CHST9: variants seen among roughly 807,000 people sequenced by gnomAD.
CHST9 encodes GalNAc-4-sulfotransferase 2.
CHST9 carries 41 observed loss-of-function variants against 44.4 expected under a neutral mutation model. That is an observed-to-expected ratio of 0.92 (90% CI 0.72 to 1.20). The LOEUF (loss-of-function observed/expected upper bound fraction) is 1.20. Among genes scored for constraint, CHST9 ranks in the 50% most tolerant of loss-of-function variants. CHST9 has a pLI of 0.00. For synonymous variants in CHST9, 171 were observed against 178.4 expected (o/e 0.96, Z 0.33); for missense variants, 504 against 516.5 (o/e 0.98, Z 0.23).
At chr18:27,121,104 G>A (rs1265522363) in intron 2 of CHST9, among the ~76,000 whole-genome samples, 1 of 152,182 alleles carries the variant, frequency 6.6e-6, no homozygotes, top group Non-Finnish European at 1.5e-5. Context: ...CTGGGCTCAA[G>A]TGATTCTCCC....
chr18:26,950,470 C>T (rs187243235), intron 4 of CHST9, among the ~76,000 whole-genome samples: 8 of 152,076 alleles, frequency 5.3e-5, no homozygotes, highest in African/African-American at 1.9e-4. Context: ...TAGAACCAAC[C>T]TAAATGCCCA....
At chr18:27,104,318 G>T (rs2058201623) in intron 2 of CHST9, among the ~76,000 whole-genome samples, 1 of 152,204 alleles carries the variant, frequency 6.6e-6, no homozygotes, top group South Asian at 2.1e-4. Flanking sequence ...GTGTCTGACT[G>T]ATTGGCAGAT....
chr18:27,052,261 T>C (rs555874078), intron 2 of CHST9, among the ~76,000 whole-genome samples: 1 of 130,842 alleles, frequency 7.6e-6, no homozygotes, highest in Non-Finnish European at 1.8e-5. Flanking sequence ...TGTGTATATA[T>C]ATATGTGTAT....
chr18:26,912,351 A>T lies in CHST9; in HGVS notation c.*3908T>A, dbSNP rs1353567559. ...GGAATAAAGAAATAAGCTGATTTGA[A>T]ATGTGATAACTAACTAGCTAAATAC... On this transcript the variant is annotated 3_prime_UTR_variant, in exon 6 of 6. Coordinates refer to ENST00000618847, the MANE Select transcript of CHST9 (RefSeq NM_031422.6). 2.0e-5 allele frequency: 3 copies of T among 148,286 alleles called. No homozygotes were observed. Among genetic ancestry groups the T allele is most frequent in the African/African-American group, 7.5e-5 (3 of 39,856 alleles). 9.2% of individuals were successfully genotyped at this position (148,286 alleles called of 1,614,324 possible). A position where few individuals can be genotyped will look rare whatever the true frequency, so the allele number is the denominator to read the frequency against.
chr18:26,952,049 G>A (rs1683475), intron 4 of CHST9, among the ~76,000 whole-genome samples: 1 of 152,192 alleles, frequency 6.6e-6, no homozygotes, highest in African/African-American at 2.4e-5. Context: ...ATTAGGCAAG[G>A]ACATTAGTGA....
At chr18:27,167,594 C>T (rs984997724) in intron 1 of CHST9, among the ~76,000 whole-genome samples, 7 of 152,104 alleles carry the variant, frequency 4.6e-5, no homozygotes, top group South Asian at 2.1e-4. Flanking sequence ...ATTACACAGG[C>T]AGTGTTTAGG....
At chr18:27,109,362 G>A (rs1435721207) in intron 2 of CHST9, among the ~76,000 whole-genome samples, 8 of 152,126 alleles carry the variant, frequency 5.3e-5, no homozygotes, top group African/African-American at 1.9e-4. Context: ...ACCCTGAAAA[G>A]TGGTATTTTT....
At chr18:26,930,665 G>T (rs548288821) in intron 5 of CHST9, 1 of 153,786 alleles carries the variant, frequency 6.5e-6, no homozygotes, top group South Asian at 2.1e-4. Flanking sequence ...CCCTTTCTTT[G>T]TGAGGGCAAG....
intron 1 of CHST9, among the ~76,000 whole-genome samples, chr18:27,156,246 A>C (rs2058697852): frequency 6.6e-6 from 1 of 151,986 alleles, no homozygotes; most frequent in Non-Finnish European, 1.5e-5. Flanking sequence ...AAAAGGACCA[A>C]AGGGTTCTGA....
chr18:27,099,936 C>A (rs2058154413), intron 2 of CHST9, among the ~76,000 whole-genome samples: 1 of 151,914 alleles, frequency 6.6e-6, no homozygotes, highest in Admixed American at 6.6e-5. Flanking sequence ...ATGCTCATTG[C>A]ACTATTCACA....
chr18:26,993,727 GA>G (rs2056852018), intron 4 of CHST9, among the ~76,000 whole-genome samples: 1 of 152,198 alleles, frequency 6.6e-6, no homozygotes, highest in South Asian at 2.1e-4. Context: ...AAGCAAAACA[GA>G]ACACTTACTT....
intron 1 of CHST9, among the ~76,000 whole-genome samples, chr18:27,158,091 AGTTTTTTT>A (rs1450491272): frequency 2.0e-5 from 3 of 152,122 alleles, no homozygotes; most frequent in East Asian, 1.9e-4. Flanking sequence ...GACATCACAA[AGTTTTTTT>A]GTTTTTTTGT....
intron 2 of CHST9, among the ~76,000 whole-genome samples, chr18:27,130,436 G>A (rs553237673): frequency 8.2e-4 from 125 of 152,256 alleles, no homozygotes; most frequent in African/African-American, 2.3e-3. Context: ...ATAGCAATCA[G>A]TGTATCCAAA....
intron 2 of CHST9, among the ~76,000 whole-genome samples, chr18:27,090,011 T>C (rs955626979): frequency 1.3e-5 from 2 of 152,074 alleles, no homozygotes; most frequent in East Asian, 1.9e-4. Flanking sequence ...TGGGGTTGCA[T>C]TGTGTTAGCC....
chr18:27,090,954 T>C (rs1285700615), intron 2 of CHST9, among the ~76,000 whole-genome samples: 1 of 152,224 alleles, frequency 6.6e-6, no homozygotes, highest in African/African-American at 2.4e-5. Context: ...ATATGAACTT[T>C]AATGTAGTTT....
intron 2 of CHST9, among the ~76,000 whole-genome samples, chr18:27,053,182 GA>G (rs1329620010): frequency 1.4e-5 from 2 of 143,354 alleles, no homozygotes; most frequent in African/African-American, 5.2e-5. Flanking sequence ...AGAAGAAGAA[GA>G]AGAAGAAGAA....
chr18:27,158,918 T>C (rs2058721099), intron 1 of CHST9, among the ~76,000 whole-genome samples: 1 of 152,260 alleles, frequency 6.6e-6, no homozygotes, highest in African/African-American at 2.4e-5. Flanking sequence ...GAGAAGTGTC[T>C]GTCTGTTCAT....
At chr18:27,000,756 A>C (rs908134192) in intron 4 of CHST9, among the ~76,000 whole-genome samples, 1 of 152,130 alleles carries the variant, frequency 6.6e-6, no homozygotes, top group African/African-American at 2.4e-5. Flanking sequence ...CCCCTAAAAT[A>C]GAGATTTAAA....
chr18:27,169,712 T>C (rs1261259531), intron 1 of CHST9, among the ~76,000 whole-genome samples: 1 of 148,472 alleles, frequency 6.7e-6, no homozygotes, highest in Non-Finnish European at 1.5e-5. Context: ...GTTCACACCA[T>C]TCTCCTGCCT....
Sources: gnomAD v4.1 joint callset for allele counts (sites outside exome capture counted in the v4.1 genomes callset) on GRCh38, gnomAD v4.1.1 for gene constraint, MANE v1.5 for transcripts, NCBI Gene and HGNC (gene_info 2026-07-23, HGNC 2026-07-21) for gene names.